Variants in CACNG4 observed in about 807,000 individuals in gnomAD.
The protein encoded by CACNG4 is calcium voltage-gated channel auxiliary subunit gamma 4.
Under a neutral mutation model 22.9 loss-of-function variants are expected in CACNG4, and 8 were observed. That is an observed-to-expected ratio of 0.35 (90% CI 0.21 to 0.63). The LOEUF (loss-of-function observed/expected upper bound fraction) is 0.63. CACNG4 is among the 30% of genes least tolerant of loss of function. The probability of loss-of-function intolerance (pLI) is 0.72; values close to 1 mark genes in which losing one functional copy is unlikely to be tolerated. For missense variants in CACNG4, 357 were observed against 455.4 expected, an observed-to-expected ratio of 0.78 and a Z score of 1.97; for synonymous variants, 188 against 191.9, an observed-to-expected ratio of 0.98 and a Z score of 0.17.
chr17:66,984,718 G>A lies in CACNG4; in HGVS notation c.220+19587G>A, dbSNP rs2035295260. Among the ~76,000 whole-genome samples, 1 of 152,108 alleles carries A rather than the reference G, an allele frequency of 6.6e-6. No homozygotes were observed. The highest frequency in any genetic ancestry group is 2.4e-5 in the African/African-American group (1 of 41,400). ...TGTTCCTGCCTCGCCATCTGCTTGT[G>A]CTGTCTCTCATGGGATCCTCATAAC... On this transcript the variant is annotated intron_variant, in intron 1 of 3. Coordinates refer to ENST00000262138, the MANE Select transcript of CACNG4 (RefSeq NM_014405.4). This position sits in a 1 kb window ranked among gnomAD's most constrained non-coding sequence, Gnocchi z 4.0.
chr17:66,999,653 G>A (rs3785589), intron 1 of CACNG4, among the ~76,000 whole-genome samples: 23,774 of 152,010 alleles, frequency 0.16, 4,413 homozygotes, highest in African/African-American at 0.44. Context: ...AACACCACGG[G>A]GGGAAACTGC....
chr17:66,986,795 T>C (rs2035307974), intron 1 of CACNG4, among the ~76,000 whole-genome samples: 1 of 152,258 alleles, frequency 6.6e-6, no homozygotes, highest in Non-Finnish European at 1.5e-5. Flanking sequence ...CCTGGGTGCA[T>C]GTGTCTCTGT....
intron 2 of CACNG4, among the ~76,000 whole-genome samples, chr17:67,021,087 G>C (rs186550696): frequency 6.6e-5 from 10 of 152,222 alleles, no homozygotes; most frequent in Admixed American, 2.6e-4. Flanking sequence ...TCCAGTCCCA[G>C]CTATTCAGGA....
chr17:66,979,221 T>A (rs1256507581), intron 1 of CACNG4, among the ~76,000 whole-genome samples: 1 of 152,184 alleles, frequency 6.6e-6, no homozygotes, highest in East Asian at 1.9e-4. Flanking sequence ...CCTCTTTCTC[T>A]CCTTTCTTTC....
chr17:66,977,824 G>A (rs12450476), intron 1 of CACNG4, among the ~76,000 whole-genome samples: 3,758 of 152,260 alleles, frequency 0.025, 53 homozygotes, highest in East Asian at 0.068. Flanking sequence ...GCTTCAGGCC[G>A]GGCATTGTGG....
At chr17:66,967,636 A>G (rs953304147) in intron 1 of CACNG4, among the ~76,000 whole-genome samples, 2 of 152,210 alleles carry the variant, frequency 1.3e-5, no homozygotes, top group Admixed American at 6.5e-5. Flanking sequence ...CCTGTTCTCT[A>G]GAAAAGTATT....
At chr17:66,980,429 C>T (rs2035264641) in intron 1 of CACNG4, among the ~76,000 whole-genome samples, 1 of 152,066 alleles carries the variant, frequency 6.6e-6, no homozygotes, top group Admixed American at 6.5e-5. Context: ...TCAGATGGCT[C>T]AAGATTTCTT....
chr17:66,999,275 T>TTGTTGG (rs1567754723), intron 1 of CACNG4, among the ~76,000 whole-genome samples: 1 of 150,940 alleles, frequency 6.6e-6, no homozygotes, highest in Admixed American at 6.6e-5. Context: ...GGCAGTAGAG[T>TTGTTGG]TGGTGGTGGT....
chr17:66,987,179 A>G (rs1335036268), intron 1 of CACNG4, among the ~76,000 whole-genome samples: 2 of 152,224 alleles, frequency 1.3e-5, no homozygotes, highest in Non-Finnish European at 2.9e-5. Context: ...AAGATTAGGT[A>G]ACTTGCCTGA....
At chr17:66,977,692 C>T (rs1357943840) in intron 1 of CACNG4, among the ~76,000 whole-genome samples, 1 of 152,238 alleles carries the variant, frequency 6.6e-6, no homozygotes, top group Non-Finnish European at 1.5e-5. Flanking sequence ...GACCTCACCT[C>T]TCTCTTGTTT....
intron 1 of CACNG4, among the ~76,000 whole-genome samples, chr17:67,016,781 G>A (rs185198356): frequency 1.3e-5 from 2 of 152,268 alleles, no homozygotes; most frequent in Non-Finnish European, 2.9e-5. Flanking sequence ...GGCAACCAAT[G>A]TCCAGTTCTG....
chr17:67,009,472 C>T (rs917129017), intron 1 of CACNG4, among the ~76,000 whole-genome samples: 2 of 152,068 alleles, frequency 1.3e-5, no homozygotes, highest in Non-Finnish European at 2.9e-5. Flanking sequence ...CTCCTTGCTG[C>T]TCCTATCCCA....
intron 1 of CACNG4, among the ~76,000 whole-genome samples, chr17:66,994,359 A>G (rs1225814257): frequency 6.6e-6 from 1 of 150,974 alleles, no homozygotes; most frequent in Non-Finnish European, 1.5e-5. Flanking sequence ...CGCCTCCGCT[A>G]CTAGCAGACA....
intron 1 of CACNG4, among the ~76,000 whole-genome samples, chr17:67,001,115 G>A (rs2035405469): frequency 6.6e-6 from 1 of 152,012 alleles, no homozygotes; most frequent in Non-Finnish European, 1.5e-5. Flanking sequence ...CGAGATCAAT[G>A]GTTTTATAAA....
At chr17:66,970,137 C>T (rs1448461747) in intron 1 of CACNG4, among the ~76,000 whole-genome samples, 1 of 152,166 alleles carries the variant, frequency 6.6e-6, no homozygotes, top group East Asian at 1.9e-4. Context: ...AATTATTTGC[C>T]TTTTATAGTT....
chr17:66,972,275 G>A (rs1427386067), intron 1 of CACNG4, among the ~76,000 whole-genome samples: 3 of 152,174 alleles, frequency 2.0e-5, no homozygotes, highest in African/African-American at 7.2e-5. Context: ...TAACTCAGGA[G>A]CACCAGGGGT....
chr17:66,965,697 T>G (rs975223360), intron 1 of CACNG4, among the ~76,000 whole-genome samples: 301 of 16,022 alleles, frequency 0.019, no homozygotes, highest in Middle Eastern at 0.067. Context: ...GGCTGAGGGG[T>G]GGGGGCAGAA....
chr17:66,985,556 A>G (rs1396881920), intron 1 of CACNG4, among the ~76,000 whole-genome samples: 1 of 152,178 alleles, frequency 6.6e-6, no homozygotes, highest in African/African-American at 2.4e-5. Flanking sequence ...AGAGGAGGCA[A>G]CATTACTCTT....
intron 1 of CACNG4, among the ~76,000 whole-genome samples, chr17:67,010,609 A>C (rs1416173714): frequency 6.6e-6 from 1 of 152,180 alleles, no homozygotes; most frequent in East Asian, 1.9e-4. Context: ...CACTCTTATC[A>C]TGAGGACAGA....
Sources: allele counts gnomAD v4.1 joint callset (sites outside exome capture counted in the v4.1 genomes callset), GRCh38; gene constraint gnomAD v4.1.1; non-coding constraint Gnocchi (gnomAD v3.1); transcripts MANE v1.5; gene names NCBI Gene and HGNC (gene_info 2026-07-23, HGNC 2026-07-21).